The following PTPRD variants were observed in gnomAD, a reference collection of about 807,000 sequenced individuals.
PTPRD encodes the protein protein tyrosine phosphatase receptor type D, also known as receptor-type tyrosine-protein phosphatase delta.
PTPRD carries 34 observed loss-of-function variants against 214.5 expected under a neutral mutation model. The observed-to-expected ratio is 0.16, with a 90% CI of 0.12 to 0.21. The LOEUF (loss-of-function observed/expected upper bound fraction) is 0.21, where lower values mean the gene tolerates loss of function less well. Among genes scored for constraint, PTPRD ranks in the 10% least tolerant of loss-of-function variants. The pLI, the probability that PTPRD is intolerant of heterozygous loss-of-function variation, is 1.00. For synonymous variants in PTPRD, 1,128 were observed against 845.7 expected (o/e 1.33, Z -5.79); for missense variants, 2,545 against 2,398.7 (o/e 1.06, Z -1.27).
At chr9:8,805,987 T>A (rs1458376516) in intron 11 of PTPRD, among the ~76,000 whole-genome samples, 2 of 119,550 alleles carry the variant, frequency 1.7e-5, no homozygotes, top group Admixed American at 1.9e-4. Context: ...AGAACGAGAC[T>A]CCGTCTCAGA....
chr9:10,486,361 G>T (rs954758623), intron 2 of PTPRD, among the ~76,000 whole-genome samples: 1 of 152,092 alleles, frequency 6.6e-6, no homozygotes, highest in Non-Finnish European at 1.5e-5. Context: ...TTTTGTATAA[G>T]GTATAAGGAA....
At chr9:10,552,960 G>GGAGTTTAT (rs2061668043) in intron 2 of PTPRD, among the ~76,000 whole-genome samples, 1 of 152,118 alleles carries the variant, frequency 6.6e-6, no homozygotes, top group Non-Finnish European at 1.5e-5. Context: ...TCTTGATGAT[G>GGAGTTTAT]GAGTTTATGA....
chr9:8,564,865 G>T (rs186679103), intron 14 of PTPRD, among the ~76,000 whole-genome samples: 11 of 151,964 alleles, frequency 7.2e-5, no homozygotes, highest in Non-Finnish European at 1.5e-4. Context: ...TTTTTAAAGG[G>T]CCTAAATAAT....
At chr9:9,606,958 G>A (rs2094194965) in intron 7 of PTPRD, among the ~76,000 whole-genome samples, 1 of 83,212 alleles carries the variant, frequency 1.2e-5, no homozygotes, top group Admixed American at 2.3e-4. Flanking sequence ...TGATTACTCA[G>A]CACTGCTAAA....
At chr9:9,694,600 G>C (rs181782195) in intron 7 of PTPRD, among the ~76,000 whole-genome samples, 1 of 152,032 alleles carries the variant, frequency 6.6e-6, no homozygotes, top group East Asian at 1.9e-4. Flanking sequence ...GGAAGCCAGG[G>C]ATTAAAGTAA....
intron 11 of PTPRD, among the ~76,000 whole-genome samples, chr9:8,970,905 CAAAACAA>C (rs1293074565): frequency 9.5e-4 from 8 of 8,428 alleles, no homozygotes; most frequent in South Asian, 0.011. Context: ...CAAAACAAAA[CAAAACAA>C]AACAAAACAA....
chr9:10,331,799 A>T (rs915867493), intron 3 of PTPRD, among the ~76,000 whole-genome samples: 6 of 152,046 alleles, frequency 3.9e-5, no homozygotes, highest in African/African-American at 1.4e-4. Context: ...AGATGAAAAA[A>T]TACCTCTTAG....
rs139872188 is a variant in PTPRD at position 9,359,836 on chromosome 9, A to G, written c.-203+37613T>C. 5.0e-3 allele frequency among the ~76,000 whole-genome samples: 758 copies of G among 151,414 alleles called. 5 individuals carry two copies. Among genetic ancestry groups the G allele is most frequent in the Middle Eastern group, 0.014 (4 of 294 alleles). On this transcript the variant is annotated intron_variant, in intron 9 of 45. Transcript: ENST00000381196. ...ACGGAGTGCCTGCTGCGTGGAGGCA[A>G]TATGCTGGGCTTCCTCAAAAAAGTG... is the stretch of plus-strand genomic sequence containing the variant.
At chr9:10,267,474 T>C (rs2094147810) in intron 3 of PTPRD, among the ~76,000 whole-genome samples, 1 of 152,122 alleles carries the variant, frequency 6.6e-6, no homozygotes, top group South Asian at 2.1e-4. Flanking sequence ...TTTTAATGGT[T>C]AAGTTTTTCA....
chr9:10,031,129 A>T (rs1340126248), intron 4 of PTPRD, among the ~76,000 whole-genome samples: 1 of 152,160 alleles, frequency 6.6e-6, no homozygotes, highest in Non-Finnish European at 1.5e-5. Context: ...TTTTCTTTTA[A>T]GACAAGCTAA....
At position 10,374,963 on chromosome 9, in the gene PTPRD, T is replaced by C. The variant is rs75404652; in HGVS notation, c.-599-33946A>G. Among the ~76,000 whole-genome samples the C allele has an allele frequency of 4.3e-3, 659 of 152,134 alleles. 6 individuals carry two copies. Among genetic ancestry groups the C allele is most frequent in the African/African-American group, 0.015 (626 of 41,534 alleles). ...ACAGCAGCATGGGATATTTATTTCA[T>C]ATAATTGTATTGAACTATGGAAACA... On this transcript the variant is annotated intron_variant, in intron 2 of 45. Coordinates refer to ENST00000381196, the MANE Select transcript of PTPRD (RefSeq NM_002839.4).
At chr9:8,803,666 G>T (rs183842604) in intron 11 of PTPRD, among the ~76,000 whole-genome samples, 1 of 151,850 alleles carries the variant, frequency 6.6e-6, no homozygotes, top group East Asian at 1.9e-4. Context: ...GAAGCCTACA[G>T]AAAGCTGTGA....
chr9:10,017,227 TA>T (rs1389708761), intron 4 of PTPRD, among the ~76,000 whole-genome samples: 1 of 152,206 alleles, frequency 6.6e-6, no homozygotes, highest in Non-Finnish European at 1.5e-5. Context: ...ATTGATAGCA[TA>T]TTTTCATAAA....
intron 8 of PTPRD, among the ~76,000 whole-genome samples, chr9:9,448,809 T>C (rs186098500): frequency 5.9e-5 from 9 of 152,002 alleles, no homozygotes; most frequent in African/African-American, 2.2e-4. Context: ...AACACACACA[T>C]GCACACACAC....
At chr9:8,333,220 C>G (rs1843208538) in intron 43 of PTPRD, among the ~76,000 whole-genome samples, 2 of 152,134 alleles carry the variant, frequency 1.3e-5, no homozygotes, top group Admixed American at 1.3e-4. Context: ...CCCTCTGTTT[C>G]TGGAAAAGAT....
At chr9:9,885,787 A>C (rs2070648815) in intron 5 of PTPRD, among the ~76,000 whole-genome samples, 1 of 152,014 alleles carries the variant, frequency 6.6e-6, no homozygotes, top group Non-Finnish European at 1.5e-5. Flanking sequence ...TCTGATCTCC[A>C]GAACTGTAAG....
At chr9:9,730,828 C>T (rs1225513008) in intron 7 of PTPRD, among the ~76,000 whole-genome samples, 1 of 152,094 alleles carries the variant, frequency 6.6e-6, no homozygotes, top group African/African-American at 2.4e-5. Flanking sequence ...AGACTGGAAG[C>T]ATGAAATGAG....
chr9:10,611,459 A>G (rs963747790), intron 2 of PTPRD, among the ~76,000 whole-genome samples: 14 of 152,352 alleles, frequency 9.2e-5, no homozygotes, highest in African/African-American at 3.4e-4. Context: ...TTATTTAGAT[A>G]TTACAAAATA....
rs1052088398 is a variant in PTPRD, at chr9:9,787,476, T to A, written c.-367-20625A>T. Among the ~76,000 whole-genome samples the A allele has an allele frequency of 1.5e-4, 23 of 151,206 alleles. 1 individual carries two copies. The highest frequency in any genetic ancestry group is 1.4e-3 in the Admixed American group (22 of 15,180). On this transcript the variant is annotated intron_variant, in intron 5 of 45. Transcript: ENST00000381196. Reference sequence around the variant, plus strand: ...CAGTCCAAAATTTAATTAATGTTACTTTTTTTCTGTCAATTTTCTTTTGTC... The same window carrying A: ...CAGTCCAAAATTTAATTAATGTTACATTTTTTCTGTCAATTTTCTTTTGTC...
Sources: allele counts gnomAD v4.1 joint callset (sites outside exome capture counted in the v4.1 genomes callset), GRCh38; gene constraint gnomAD v4.1.1; transcripts MANE v1.5; gene names NCBI Gene and HGNC (gene_info 2026-07-23, HGNC 2026-07-21).